SLC37A2: variants seen among roughly 807,000 people sequenced by gnomAD.
SLC37A2 encodes the protein glucose-6-phosphate exchanger SLC37A2.
Under a neutral mutation model 70.7 loss-of-function variants are expected in SLC37A2, and 59 were observed. That is an observed-to-expected ratio of 0.83 (90% confidence interval 0.68 to 1.04). The LOEUF (loss-of-function observed/expected upper bound fraction) is 1.04. SLC37A2 is among the 50% of genes least tolerant of loss of function. The pLI is 0.00. For synonymous variants in SLC37A2, 257 were observed against 262.1 expected (o/e 0.98, Z 0.19); for missense variants, 580 against 658.1 (o/e 0.88, Z 1.30).
At position 125,080,055 on chromosome 11, in the gene SLC37A2, C is replaced by T. The variant is rs373594109; in HGVS notation, c.527+295C>T. 1.3e-5 allele frequency among the ~76,000 whole-genome samples: 2 copies of T among 152,174 alleles called. No individual in the cohort carries two copies. Among genetic ancestry groups the T allele is most frequent in the Non-Finnish European group, 2.9e-5 (2 of 68,044 alleles). On this transcript the variant is annotated intron_variant, in intron 6 of 17. Transcript: ENST00000403796. The surrounding 1 kb of genome is among the most constrained non-coding windows in gnomAD (Gnocchi z 4.3). ...CCGCCCTGCCCCCCAACCCCGACCC[C>T]GAATTGGCTTGTGTGCAAAACAAAG...
Position 125,080,753 on chromosome 11 carries a change from G to A in SLC37A2, c.667G>A (p.Val223Ile), listed in dbSNP as rs749143838. 16 of 1,519,360 alleles carry A rather than the reference G, an allele frequency of 1.1e-5. No individual in the cohort carries two copies. The highest frequency in any genetic ancestry group is 1.4e-5 in the African/African-American group (1 of 70,832). 94.1% of individuals were successfully genotyped at this position (1,519,360 alleles called of 1,614,324 possible). Residue 223 changes from valine to isoleucine, a missense_variant, in exon 7 of 18, where the codon GTC (valine) becomes ATC (isoleucine). Physicochemically the swap from Val to Ile is conservative, Grantham distance 29. Transcript: ENST00000403796. The surrounding 1 kb of genome is among the most constrained non-coding windows in gnomAD (Gnocchi z 4.3). ...VPGIITAVMGVITFLFLIEHP... is the reference protein window; with the variant it reads ...VPGIITAVMGIITFLFLIEHP... ...TGGCATCATTACTGCCGTCATGGGC[G>A]TCATCACCTTCCTCTTCCTCATCGA...
intron 15 of SLC37A2, 29 bp downstream of exon 15, chr11:125,085,502 G>T: frequency 1.2e-6 from 2 of 1,613,462 alleles, no homozygotes; most frequent in Non-Finnish European, 1.7e-6. Context: ...GTTGTGGGCC[G>T]GCCCCTAGGC....
rs766105752 is a variant in SLC37A2 at position 125,081,859 on chromosome 11, T to C, written c.838T>C (p.Cys280Arg). Reference sequence around the variant, plus strand: ...TGTGGCCAAATGCTCCAAGGGGCCATGCGAAGAGCCTGCTGCCATCAGCTT... The same window carrying C: ...TGTGGCCAAATGCTCCAAGGGGCCACGCGAAGAGCCTGCTGCCATCAGCTT... Reference protein sequence around the residue: ...ETVAKCSKGPCEEPAAISFFG... With the variant: ...ETVAKCSKGPREEPAAISFFG... The change falls in exon 9 of 18, where the codon TGC (cysteine) becomes CGC (arginine). Residue 280 changes from cysteine to arginine, a missense_variant. Cys to Arg is a radical substitution (Grantham distance 180, BLOSUM62 -3). Coordinates refer to ENST00000403796, the MANE Select transcript of SLC37A2 (RefSeq NM_001145290.2). 11 of 1,613,668 alleles carry C rather than the reference T, an allele frequency of 6.8e-6. No homozygotes were observed. Among genetic ancestry groups the C allele is most frequent in the Non-Finnish European group, 9.3e-6 (11 of 1,179,810 alleles).
At chr11:125,074,370 G>A (rs556902901) in intron 1 of SLC37A2, among the ~76,000 whole-genome samples, 10 of 152,060 alleles carry the variant, frequency 6.6e-5, no homozygotes, top group Admixed American at 2.6e-4. Context: ...TTCCGCTCAC[G>A]GATTCTCTTG....
At chr11:125,084,990 G>A in intron 13 of SLC37A2, 76 bp from the exon 14 acceptor site, 1 of 1,593,742 alleles carries the variant, frequency 6.3e-7, no homozygotes, top group Non-Finnish European at 8.6e-7. Context: ...GCTGAAGGCT[G>A]GAGAGTGCTC....
chr11:125,086,045 C>T (rs200696899), intron 17 of SLC37A2, 27 bp downstream of exon 17: 3 of 1,604,052 alleles, frequency 1.9e-6, no homozygotes, highest in Non-Finnish European at 2.6e-6. Flanking sequence ...GAAGCTGCCC[C>T]TCTACCAACC....
chr11:125,084,597 G>A (rs1270128267), intron 12 of SLC37A2, among the ~76,000 whole-genome samples: 1 of 152,224 alleles, frequency 6.6e-6, no homozygotes, highest in African/African-American at 2.4e-5. Context: ...AAGAGATTGA[G>A]GTTGAATCTG....
At chr11:125,085,000 C>T in intron 13 of SLC37A2, 66 bp from the exon 14 acceptor site, 1 of 1,596,074 alleles carries the variant, frequency 6.3e-7, no homozygotes, top group Non-Finnish European at 8.6e-7. Context: ...GGAGAGTGCT[C>T]CTGCCTTGGG....
rs1419266763 is a variant in SLC37A2, at chr11:125,089,017, A to G, written c.*883A>G. On this transcript the variant is annotated 3_prime_UTR_variant, in exon 18 of 18. Transcript: ENST00000403796. The stretch of plus-strand genomic sequence containing the variant: ...ACTTACGCCCTGAGCACAGGTGCCA[A>G]TGGTGACAAGACTGGCAAGACGTGA... 6.6e-6 allele frequency: 1 copy of G among 152,296 alleles called. No individual in the cohort carries two copies. Among genetic ancestry groups the G allele is most frequent in the Non-Finnish European group, 1.5e-5 (1 of 68,086 alleles). 9.4% of individuals were successfully genotyped at this position (152,296 alleles called of 1,614,324 possible).
At chr11:125,079,587 G>A in intron 5 of SLC37A2, 97 bp from the exon 6 acceptor site, 1 of 950,008 alleles carries the variant, frequency 1.1e-6, no homozygotes, top group Non-Finnish European at 1.6e-6. Flanking sequence ...GGGCCCCTTG[G>A]CCACGAAATT....
rs777052410 is a variant in SLC37A2 at position 125,081,898 on chromosome 11, C to T, written c.877C>T (p.Arg293Trp). The T allele has an allele frequency of 2.8e-5, 45 of 1,604,364 alleles. No homozygotes were observed. The highest frequency in any genetic ancestry group is 1.1e-4 in the Admixed American group (6 of 56,932). The part of the protein sequence containing the change: ...PAAISFFGAL[R>W]IPGVVEFSLC... ...TGCCATCAGCTTCTTTGGGGCGCTCCGGATCCCAGTAAGAAGTTTGTGGAA... is the reference window on the plus strand; with the variant it reads ...TGCCATCAGCTTCTTTGGGGCGCTCTGGATCCCAGTAAGAAGTTTGTGGAA... The change falls in exon 9 of 18, where the codon CGG becomes TGG. Residue 293 changes from arginine (R) to tryptophan (W), a missense_variant. Transcript: ENST00000403796.
chr11:125,087,746 C>T lies in SLC37A2; in HGVS notation c.1491-373C>T, dbSNP rs1949236249. 1.7e-5 allele frequency: 3 copies of T among 181,214 alleles called. No individual in the cohort carries two copies. In the South Asian group the frequency reaches 3.5e-4, roughly 21 times the overall value. 11.2% of individuals were successfully genotyped at this position (181,214 alleles called of 1,614,324 possible). A position where few individuals can be genotyped will look rare whatever the true frequency, so the allele number is the denominator to read the frequency against. On this transcript the variant is annotated intron_variant, in intron 17 of 17. Transcript: ENST00000403796. ...CTCCCAGGTTCAAGTGATTCTCCTG[C>T]CTCAGCCTCCCGAGTAGCTGGGACC... is the stretch of plus-strand genomic sequence containing the variant.
At position 125,083,875 on chromosome 11, in the gene SLC37A2, T is replaced by C. The variant is rs2135575444; in HGVS notation, c.1037T>C (p.Ile346Thr). The change falls in exon 11 of 18, where the codon ATA (isoleucine) becomes ACA (threonine). Residue 346 changes from isoleucine to threonine, a missense_variant and splice_region_variant. Physicochemically the swap from Ile to Thr is moderately conservative, Grantham distance 89. Transcript: ENST00000403796. This position sits in a 1 kb window ranked among gnomAD's most constrained non-coding sequence, Gnocchi z 4.6. ...LSTLFDVGGI[I>T]GGIVAGLVSD... ...ACACTCTTCGATGTTGGTGGCATCA[T>C]AGGTGAGGCCTTGCCCTGCTCTGCC... The C allele has an allele frequency of 6.2e-7, 1 of 1,613,976 alleles. No individual in the cohort carries two copies. Among genetic ancestry groups the C allele is most frequent in the East Asian group, 2.2e-5 (1 of 44,876 alleles).
chr11:125,083,957 T>G lies in SLC37A2; in HGVS notation c.1039+80T>G. 2 of 1,403,398 alleles carry G rather than the reference T, an allele frequency of 1.4e-6. No homozygotes were observed. Among genetic ancestry groups the G allele is most frequent in the Non-Finnish European group, 2.0e-6 (2 of 992,536 alleles). 86.9% of individuals were successfully genotyped at this position (1,403,398 alleles called of 1,614,324 possible). On this transcript the variant is annotated intron_variant, in intron 11 of 17. Transcript: ENST00000403796. The surrounding 1 kb of genome is among the most constrained non-coding windows in gnomAD (Gnocchi z 4.6). ...GTGCAGGAAGAAGGGACAGGTCCGATGGGCTATGACCTGGGTAGGTGGCAC... is the reference window on the plus strand; with the variant it reads ...GTGCAGGAAGAAGGGACAGGTCCGAGGGGCTATGACCTGGGTAGGTGGCAC...
At chr11:125,084,528 T>G (rs1227976433) in intron 12 of SLC37A2, among the ~76,000 whole-genome samples, 1 of 152,224 alleles carries the variant, frequency 6.6e-6, no homozygotes, top group Non-Finnish European at 1.5e-5. Context: ...AGAGGGGGAT[T>G]CATGACTCTT....
intron 10 of SLC37A2, 28 bp downstream of exon 10, chr11:125,082,362 G>C: frequency 6.2e-7 from 1 of 1,606,252 alleles, no homozygotes; most frequent in Non-Finnish European, 8.5e-7. Flanking sequence ...GGAATGAAGG[G>C]GTCTCTGAGG....
chr11:125,073,934 C>T (rs952318507), intron 1 of SLC37A2, among the ~76,000 whole-genome samples: 8 of 152,210 alleles, frequency 5.3e-5, no homozygotes, highest in Non-Finnish European at 1.0e-4. Context: ...TGGGAACTCC[C>T]GCTCTCTTCA....
At chr11:125,071,453 C>G (rs1313573429) in intron 1 of SLC37A2, among the ~76,000 whole-genome samples, 1 of 152,224 alleles carries the variant, frequency 6.6e-6, no homozygotes, top group Non-Finnish European at 1.5e-5. Context: ...TCAGGGTCCC[C>G]CACTCAGCTT....
In SLC37A2 at chr11:125,089,163, T is replaced by G. The variant is rs1369281911; in HGVS notation, c.*1029T>G. On this transcript the variant is annotated 3_prime_UTR_variant, in exon 18 of 18. Coordinates refer to ENST00000403796, the MANE Select transcript of SLC37A2 (RefSeq NM_001145290.2). ...CCAAGTCCCGGATCACTCGCTGTTT[T>G]CTGGCTAGCTCTTGGCATCTCCATC... The G allele has an allele frequency of 6.6e-6, 1 of 152,352 alleles. No individual in the cohort carries two copies. Among genetic ancestry groups the G allele is most frequent in the Non-Finnish European group, 1.5e-5 (1 of 68,098 alleles). 9.4% of individuals were successfully genotyped at this position (152,352 alleles called of 1,614,324 possible).
Sources: gnomAD v4.1 joint callset for allele counts (sites outside exome capture counted in the v4.1 genomes callset) on GRCh38, gnomAD v4.1.1 for gene constraint, Gnocchi (gnomAD v3.1) non-coding constraint, MANE v1.5 for transcripts, NCBI Gene and HGNC (gene_info 2026-07-23, HGNC 2026-07-21) for gene names.